SCGB2B2: variants seen among roughly 807,000 people sequenced by gnomAD.
SCGB2B2 encodes secretoglobin-like protein.
In SCGB2B2, 11 loss-of-function variants were observed where a neutral mutation model predicts 7.6. The ratio of observed to expected loss-of-function variants is 1.45; its 90% CI spans 0.91 to 2.40. The LOEUF (loss-of-function observed/expected upper bound fraction) is 2.40. Among genes scored for constraint, SCGB2B2 ranks in the 30% most tolerant of loss-of-function variants. The pLI, the probability that SCGB2B2 is intolerant of heterozygous loss-of-function variation, is 0.00. For missense variants in SCGB2B2, 104 were observed against 115.4 expected (o/e 0.90, Z 0.45); for synonymous variants, 50 against 48.6 (o/e 1.03, Z -0.12).
At chr19:34,641,085 C>G (rs1403239976) in intron 1 of SCGB2B2, among the ~76,000 whole-genome samples, 1 of 60,654 alleles carries the variant, frequency 1.6e-5, no homozygotes, top group East Asian at 3.1e-4. Flanking sequence ...ACACCCCAAA[C>G]AAAGATTATG....
intron 2 of SCGB2B2, 62 bp from the exon 3 acceptor site, chr19:34,594,421 G>T: frequency 1.3e-6 from 2 of 1,599,228 alleles, no homozygotes; most frequent in Non-Finnish European, 1.7e-6. Flanking sequence ...AACCTCCCAT[G>T]GCCAATGAGA....
chr19:34,624,465 G>C (rs1600053604), intron 1 of SCGB2B2, among the ~76,000 whole-genome samples: 1 of 152,130 alleles, frequency 6.6e-6, no homozygotes, highest in Non-Finnish European at 1.5e-5. Context: ...GCAATTCTTA[G>C]AGTTACATTC....
At chr19:34,656,300 C>A (rs1029340779) in intron 1 of SCGB2B2, among the ~76,000 whole-genome samples, 1 of 151,370 alleles carries the variant, frequency 6.6e-6, no homozygotes, top group Non-Finnish European at 1.5e-5. Context: ...TTCATCTTTT[C>A]TTGATTTAAA....
At chr19:34,618,625 A>G (rs529871611) in intron 1 of SCGB2B2, among the ~76,000 whole-genome samples, 20 of 152,362 alleles carry the variant, frequency 1.3e-4, no homozygotes, top group Middle Eastern at 3.4e-3. Context: ...ACAAAATTAC[A>G]TCTTTTTAAC....
Position 34,592,495 on chromosome 19 carries a change from G to C in SCGB2B2, c.*1060C>G, listed in dbSNP as rs1242887144. On this transcript the variant is annotated 3_prime_UTR_variant, in exon 4 of 4. Transcript: ENST00000601241. ...CATCTGAGAGACACCTGGGTGGGAG[G>C]GAGAGGGAGGAGTCTAGGGCGGTGT... Among the ~76,000 whole-genome samples, 1 of 152,108 alleles carries C rather than the reference G, an allele frequency of 6.6e-6. No homozygotes were observed. The highest frequency in any genetic ancestry group is 1.5e-5 in the Non-Finnish European group (1 of 68,002).
At chr19:34,672,645 G>GGGCCGATGTGTC (rs1280939098) in intron 1 of SCGB2B2, among the ~76,000 whole-genome samples, 13 of 152,118 alleles carry the variant, frequency 8.5e-5, no homozygotes, top group Non-Finnish European at 1.9e-4. Context: ...ATAGTCCCAA[G>GGGCCGATGTGTC]GGCCGATGTG....
At chr19:34,628,431 G>A (rs951415731) in intron 1 of SCGB2B2, among the ~76,000 whole-genome samples, 1 of 151,890 alleles carries the variant, frequency 6.6e-6, no homozygotes, top group South Asian at 2.1e-4. Context: ...AATGATAAAG[G>A]AGACATCACC....
At chr19:34,643,392 G>T (rs2066900018) in intron 1 of SCGB2B2, among the ~76,000 whole-genome samples, 1 of 152,194 alleles carries the variant, frequency 6.6e-6, no homozygotes, top group African/African-American at 2.4e-5. Flanking sequence ...GTAGAGAGTA[G>T]AAGGATAGAC....
In SCGB2B2 at chr19:34,677,059, T is replaced by A. The variant is rs1350280193; in HGVS notation, c.-3461A>T. Reference sequence around the variant, plus strand: ...CGGCCATTAGTGTCACAGATACGTGTCCCCTTGCATTTCCAGGAAATGCCC... The same window carrying A: ...CGGCCATTAGTGTCACAGATACGTGACCCCTTGCATTTCCAGGAAATGCCC... On this transcript the variant is annotated 5_prime_UTR_variant, in exon 1 of 4. Transcript: ENST00000601241. The A allele has an allele frequency of 6.6e-6, 1 of 151,276 alleles. No homozygotes were observed. The highest frequency in any genetic ancestry group is 1.5e-5 in the Non-Finnish European group (1 of 67,924). The allele number at this position is 151,276 out of a possible 1,614,324, so 9.4% of individuals were successfully genotyped here.
chr19:34,601,830 T>C (rs10405140), intron 1 of SCGB2B2, among the ~76,000 whole-genome samples: 14,483 of 152,238 alleles, frequency 0.095, 808 homozygotes, highest in South Asian at 0.19. Flanking sequence ...TAACACAGTG[T>C]TGGGTAACAA....
intron 1 of SCGB2B2, among the ~76,000 whole-genome samples, chr19:34,665,143 T>C (rs2067579411): frequency 6.6e-6 from 1 of 152,136 alleles, no homozygotes; most frequent in Non-Finnish European, 1.5e-5. Context: ...TCTGAAATGG[T>C]GGCCATGAGA....
intron 1 of SCGB2B2, among the ~76,000 whole-genome samples, chr19:34,605,460 T>G (rs1421261403): frequency 6.6e-6 from 1 of 152,182 alleles, no homozygotes; most frequent in Non-Finnish European, 1.5e-5. Flanking sequence ...TTCATTCCGG[T>G]GGCTTTGCCT....
intron 2 of SCGB2B2, 63 bp from the exon 3 acceptor site, chr19:34,594,422 G>A: frequency 1.3e-6 from 2 of 1,598,010 alleles, no homozygotes; most frequent in Non-Finnish European, 1.7e-6. Context: ...ACCTCCCATG[G>A]CCAATGAGAC....
In SCGB2B2 at chr19:34,594,327, C is replaced by A; in HGVS notation, c.94G>T (p.Ala32Ser). The change falls in exon 3 of 4, where the codon GCG becomes TCG. Residue 32 changes from alanine to serine, a missense_variant. By Grantham distance (99) the Ala-to-Ser change is moderately conservative. Coordinates refer to ENST00000601241, the MANE Select transcript of SCGB2B2 (RefSeq NM_001025591.4). ...DACLDIDKLL[A>S]NVVFDVSQDL... ...TGGGACACATCAAACACAACATTCG[C>A]AAGCAGTTTATCGATATCCAGGCAG... 1.9e-6 allele frequency: 3 copies of A among 1,614,102 alleles called. No homozygotes were observed. Among genetic ancestry groups the A allele is most frequent in the Non-Finnish European group, 2.5e-6 (3 of 1,180,010 alleles).
chr19:34,626,479 G>T (rs969839936), intron 1 of SCGB2B2, among the ~76,000 whole-genome samples: 1 of 152,164 alleles, frequency 6.6e-6, no homozygotes, highest in East Asian at 1.9e-4. Context: ...CTCAGTAGCC[G>T]ATTCGATCAA....
intron 1 of SCGB2B2, among the ~76,000 whole-genome samples, chr19:34,665,351 A>G (rs1404898843): frequency 6.6e-6 from 1 of 152,206 alleles, no homozygotes; most frequent in East Asian, 1.9e-4. Flanking sequence ...GTCCCAAGTG[A>G]GGCTGAGGTG....
chr19:34,639,492 C>T (rs988095024), intron 1 of SCGB2B2, among the ~76,000 whole-genome samples: 4 of 152,138 alleles, frequency 2.6e-5, no homozygotes, highest in Admixed American at 6.5e-5. Context: ...GCAGGCTATT[C>T]GTGCATAGTA....
intron 1 of SCGB2B2, among the ~76,000 whole-genome samples, chr19:34,667,529 T>A (rs1297393371): frequency 6.6e-6 from 1 of 151,990 alleles, no homozygotes; most frequent in Non-Finnish European, 1.5e-5. Context: ...TTTATTTACA[T>A]AGGGTGTACA....
chr19:34,655,473 G>GCCC (rs901074322), intron 1 of SCGB2B2, among the ~76,000 whole-genome samples: 1 of 150,840 alleles, frequency 6.6e-6, no homozygotes, highest in Non-Finnish European at 1.5e-5. Flanking sequence ...AGACCTGGAT[G>GCCC]CCCCCCCAAC....
Sources: gnomAD v4.1 joint callset for allele counts (sites outside exome capture counted in the v4.1 genomes callset) on GRCh38, gnomAD v4.1.1 for gene constraint, MANE v1.5 for transcripts, NCBI Gene and HGNC (gene_info 2026-07-23, HGNC 2026-07-21) for gene names.